The following ORC3 variants were observed in gnomAD, a reference collection of about 807,000 sequenced individuals.
ORC3 encodes the protein homolog of latheo, Drosophila.
A neutral mutation model predicts 100.7 loss-of-function variants in ORC3; 78 were observed. The observed-to-expected ratio is 0.77, with a 90% CI of 0.65 to 0.94. The LOEUF is 0.94. Ranked by LOEUF, ORC3 falls within the 40% of genes least tolerant of loss-of-function variation. The pLI, the probability that ORC3 is intolerant of heterozygous loss-of-function variation, is 0.00. For missense variants in ORC3, 789 were observed against 823.9 expected (o/e 0.96, Z 0.52); for synonymous variants, 295 against 289.3 (o/e 1.02, Z -0.20).
At chr6:87,624,915 A>C (rs987304661) in intron 11 of ORC3, among the ~76,000 whole-genome samples, 3 of 151,524 alleles carry the variant, frequency 2.0e-5, no homozygotes, top group African/African-American at 4.9e-5. Context: ...TCATTGTTCA[A>C]CTCCCACTTG....
chr6:87,622,252 G>A (rs1254137622), intron 11 of ORC3, among the ~76,000 whole-genome samples: 1 of 151,824 alleles, frequency 6.6e-6, no homozygotes, highest in African/African-American at 2.4e-5. Context: ...TTTCTCTTGT[G>A]GCCTATTTTG....
chr6:87,674,191 A>G, the ORC3 span, among the ~76,000 whole-genome samples: 5 of 151,422 alleles, frequency 3.3e-5, no homozygotes, highest in Non-Finnish European at 7.4e-5. Context: ...AATGCCAGCA[A>G]CTCAGGAGGC....
chr6:87,677,486 A>G, the ORC3 span, among the ~76,000 whole-genome samples: 1 of 152,210 alleles, frequency 6.6e-6, no homozygotes, highest in Non-Finnish European at 1.5e-5. Context: ...AGCCAATTAG[A>G]TATTTTAAAT....
chr6:87,667,335 A>T lies in ORC3; in HGVS notation c.*212A>T, dbSNP rs145220662. On this transcript the variant is annotated 3_prime_UTR_variant, in exon 20 of 20. Transcript: ENST00000392844. Reference sequence around the variant, plus strand: ...TTAGACTCCAACAAATAATAATGTAACTAAAACTGCTCACACATTTTACTG... The same window carrying T: ...TTAGACTCCAACAAATAATAATGTATCTAAAACTGCTCACACATTTTACTG... 98 of 413,866 alleles carry T rather than the reference A, an allele frequency of 2.4e-4. No individual in the cohort carries two copies. The highest frequency in any genetic ancestry group is 1.8e-3 in the African/African-American group (86 of 49,010). 25.6% of individuals were successfully genotyped at this position (413,866 alleles called of 1,614,324 possible). A position where few individuals can be genotyped will look rare whatever the true frequency, so the allele number is the denominator to read the frequency against.
intron 7 of ORC3, among the ~76,000 whole-genome samples, chr6:87,610,544 T>TAC (rs1583032484): frequency 4.0e-5 from 6 of 149,330 alleles, no homozygotes; most frequent in South Asian, 2.1e-4. Context: ...ACTTTATTTT[T>TAC]TTTTATTTTT....
At chr6:87,609,326 G>T in intron 7 of ORC3, 97 bp downstream of exon 7, 3 of 762,308 alleles carry the variant, frequency 3.9e-6, no homozygotes, top group Non-Finnish European at 6.0e-6. Context: ...AATACCAACT[G>T]GATAAAAATC....
chr6:87,622,016 A>G lies in ORC3; in HGVS notation c.1185+3A>G. On this transcript the variant is annotated splice_donor_region_variant and intron_variant, in intron 11 of 19. Coordinates refer to ENST00000392844, the MANE Select transcript of ORC3 (RefSeq NM_012381.4). ...TGACCAATGAGAGATATTTGAAGGTAGGAATGTGAATGTGTTTCAGTTTCA... is the reference window on the plus strand; with the variant it reads ...TGACCAATGAGAGATATTTGAAGGTGGGAATGTGAATGTGTTTCAGTTTCA... 1 of 1,593,084 alleles carries G rather than the reference A, an allele frequency of 6.3e-7. No homozygotes were observed. Among genetic ancestry groups the G allele is most frequent in the Non-Finnish European group, 8.6e-7 (1 of 1,162,926 alleles).
chr6:87,596,160 GTTTTTT>G (rs71554737), intron 2 of ORC3, among the ~76,000 whole-genome samples: 3 of 140,456 alleles, frequency 2.1e-5, no homozygotes, highest in Non-Finnish European at 4.7e-5. Flanking sequence ...GTTTGTTTTT[GTTTTTT>G]TTTTTTGAGA....
At chr6:87,597,107 T>G (rs1372961090) in intron 2 of ORC3, among the ~76,000 whole-genome samples, 3 of 152,152 alleles carry the variant, frequency 2.0e-5, no homozygotes, top group African/African-American at 7.2e-5. Flanking sequence ...TTTTTCAGAT[T>G]TTGAAATATA....
intron 11 of ORC3, among the ~76,000 whole-genome samples, chr6:87,630,196 G>A (rs569499566): frequency 2.6e-4 from 40 of 152,188 alleles, no homozygotes; most frequent in African/African-American, 8.7e-4. Context: ...TTGGGAGGCC[G>A]AGGCAAGCAG....
intron 11 of ORC3, among the ~76,000 whole-genome samples, chr6:87,630,873 C>CT (rs936945796): frequency 4.1e-4 from 60 of 146,094 alleles, no homozygotes; most frequent in Middle Eastern, 3.5e-3. Context: ...TATTGCTTTG[C>CT]TTTTTTTTTT....
chr6:87,640,217 A>G (rs1361708531), intron 13 of ORC3, among the ~76,000 whole-genome samples: 1 of 152,166 alleles, frequency 6.6e-6, no homozygotes, highest in Non-Finnish European at 1.5e-5. Context: ...AAAACAAACA[A>G]TATGTCATCT....
chr6:87,652,002 G>A (rs1401623908), intron 13 of ORC3, among the ~76,000 whole-genome samples: 2 of 151,372 alleles, frequency 1.3e-5, no homozygotes, highest in African/African-American at 2.4e-5. Flanking sequence ...CGGTTCCAGC[G>A]ATTCTCCTGC....
At chr6:87,669,391 C>T (rs371258623), downstream of ORC3, among the ~76,000 whole-genome samples, 199 of 152,300 alleles carry the variant, frequency 1.3e-3, 8 homozygotes, top group South Asian at 0.04. Flanking sequence ...TCTTATTCAA[C>T]AGAATGTAAA....
At chr6:87,630,486 G>T (rs1489898332) in intron 11 of ORC3, among the ~76,000 whole-genome samples, 1 of 152,142 alleles carries the variant, frequency 6.6e-6, no homozygotes, top group Non-Finnish European at 1.5e-5. Flanking sequence ...TTTTTCTAGT[G>T]CCTATTATGT....
chr6:87,646,223 T>G (rs1768777007), intron 13 of ORC3, among the ~76,000 whole-genome samples: 1 of 152,104 alleles, frequency 6.6e-6, no homozygotes, highest in Non-Finnish European at 1.5e-5. Flanking sequence ...CCTGACCTCA[T>G]GATCCGCCCG....
rs765039938 is a variant in ORC3 at position 87,616,421 on chromosome 6, ACTT to A, written c.983_985del (p.Leu328del). 4 of 1,322,768 alleles carry A rather than the reference ACTT, an allele frequency of 3.0e-6. No homozygotes were observed. The East Asian group carries it at 9.2e-5, about 30-fold the overall frequency. 81.9% of individuals were successfully genotyped at this position (1,322,768 alleles called of 1,614,324 possible). ...TCTCAGTTCAAAACTTTATAAAAGG[ACTT>A]CAGGTAAGAACACAGTAATGGGTTT... On this transcript the variant is annotated inframe_deletion, in exon 9 of 20. Coordinates refer to ENST00000392844, the MANE Select transcript of ORC3 (RefSeq NM_012381.4).
At chr6:87,654,321 C>A (rs548730805) in intron 14 of ORC3, among the ~76,000 whole-genome samples, 2 of 152,292 alleles carry the variant, frequency 1.3e-5, no homozygotes, top group Non-Finnish European at 2.9e-5. Flanking sequence ...ACTAGAGTGG[C>A]CTGAGCAGCC....
chr6:87,618,028 A>C (rs561585310), intron 9 of ORC3, among the ~76,000 whole-genome samples: 2 of 152,362 alleles, frequency 1.3e-5, no homozygotes, highest in East Asian at 3.9e-4. Context: ...TTATTTCTTT[A>C]ATTTCATTTC....
Sources: gnomAD v4.1 joint callset for allele counts (sites outside exome capture counted in the v4.1 genomes callset) on GRCh38, gnomAD v4.1.1 for gene constraint, MANE v1.5 for transcripts, NCBI Gene and HGNC (gene_info 2026-07-23, HGNC 2026-07-21) for gene names.